Variants in MAP6 observed in about 807,000 individuals in gnomAD.
MAP6 encodes the protein microtubule associated protein 6, also known as microtubule-associated protein 6.
In MAP6, 26 loss-of-function variants were observed where a neutral mutation model predicts 42.4. The observed-to-expected ratio is 0.61, with a 90% CI of 0.45 to 0.85. The LOEUF is 0.85. Among genes scored for constraint, MAP6 ranks in the 40% least tolerant of loss-of-function variants. MAP6 has a pLI of 0.00. For missense variants in MAP6, 966 were observed against 1,099.0 expected (o/e 0.88, Z 1.71); for synonymous variants, 418 against 443.8 (o/e 0.94, Z 0.73).
At chr11:75,662,519 A>G (rs1943870249) in intron 1 of MAP6, among the ~76,000 whole-genome samples, 1 of 152,230 alleles carries the variant, frequency 6.6e-6, no homozygotes, top group South Asian at 2.1e-4. Flanking sequence ...TAAAGCTTGC[A>G]TTCATCTGCA....
chr11:75,594,131 T>G (rs987193492), intron 3 of MAP6: 2 of 152,338 alleles, frequency 1.3e-5, no homozygotes, highest in East Asian at 3.9e-4. Context: ...GGACAAGTGA[T>G]TCTCCAGGTC....
intron 1 of MAP6, among the ~76,000 whole-genome samples, chr11:75,660,941 A>G (rs1943833060): frequency 6.6e-6 from 1 of 152,138 alleles, no homozygotes; most frequent in South Asian, 2.1e-4. Flanking sequence ...AGACTAAAAA[A>G]CAAAACAAAT....
chr11:75,619,127 ATGTGTGAG>A (rs1474594916), intron 1 of MAP6, among the ~76,000 whole-genome samples: 2 of 152,054 alleles, frequency 1.3e-5, no homozygotes, highest in Admixed American at 6.6e-5. Context: ...TGCAAGGAGT[ATGTGTGAG>A]TGTGTGAGTG....
intron 3 of MAP6, among the ~76,000 whole-genome samples, chr11:75,592,763 G>C (rs1275556344): frequency 6.6e-6 from 1 of 152,080 alleles, no homozygotes; most frequent in Non-Finnish European, 1.5e-5. Flanking sequence ...CCTTCTCCTT[G>C]TACCAAGAAC....
At chr11:75,658,404 C>CCT (rs71036064) in intron 1 of MAP6, among the ~76,000 whole-genome samples, 420 of 151,712 alleles carry the variant, frequency 2.8e-3, no homozygotes, top group Non-Finnish European at 3.8e-3. Flanking sequence ...CCACCCCCCC[C>CCT]GCCCCAGACA....
intron 1 of MAP6, among the ~76,000 whole-genome samples, chr11:75,631,122 G>A (rs1943277888): frequency 6.6e-6 from 1 of 152,190 alleles, no homozygotes; most frequent in South Asian, 2.1e-4. Flanking sequence ...AATGTGACTG[G>A]TTTAAGAAGC....
intron 1 of MAP6, among the ~76,000 whole-genome samples, chr11:75,614,679 C>T (rs1008977497): frequency 1.3e-5 from 2 of 152,208 alleles, no homozygotes; most frequent in African/African-American, 4.8e-5. Flanking sequence ...CCAGCTAAGC[C>T]ATTCCTGGAT....
At chr11:75,646,187 A>C (rs1399718130) in intron 1 of MAP6, among the ~76,000 whole-genome samples, 4 of 152,180 alleles carry the variant, frequency 2.6e-5, no homozygotes, top group African/African-American at 7.2e-5. Flanking sequence ...CAGTGATAGC[A>C]GACTTCTCAC....
intron 3 of MAP6, among the ~76,000 whole-genome samples, chr11:75,590,472 G>C (rs1489352883): frequency 6.6e-6 from 1 of 152,164 alleles, no homozygotes; most frequent in Non-Finnish European, 1.5e-5. Flanking sequence ...GATATCTACA[G>C]CATTGGCTCC....
intron 1 of MAP6, among the ~76,000 whole-genome samples, chr11:75,622,784 T>C (rs1388179291): frequency 6.6e-6 from 1 of 152,196 alleles, no homozygotes; most frequent in African/African-American, 2.4e-5. Flanking sequence ...GATAGACATA[T>C]AGATCTATGA....
chr11:75,590,165 C>T (rs919154135), intron 3 of MAP6, among the ~76,000 whole-genome samples: 21 of 152,178 alleles, frequency 1.4e-4, no homozygotes, highest in Admixed American at 2.6e-4. Flanking sequence ...AAAATACCTC[C>T]AGTCACTGGT....
At chr11:75,611,650 G>T (rs1168071379) in intron 1 of MAP6, among the ~76,000 whole-genome samples, 1 of 152,142 alleles carries the variant, frequency 6.6e-6, no homozygotes, top group Non-Finnish European at 1.5e-5. Context: ...AAAAGAAAAA[G>T]AACTTTCTTT....
At chr11:75,642,932 T>C (rs2135662240) in intron 1 of MAP6, 1 of 459,760 alleles carries the variant, frequency 2.2e-6, no homozygotes, top group Admixed American at 2.1e-5. Flanking sequence ...ATAAATGTTC[T>C]GGTTAAAAAA....
chr11:75,591,852 T>G (rs926607674), intron 3 of MAP6, among the ~76,000 whole-genome samples: 1 of 152,190 alleles, frequency 6.6e-6, no homozygotes, highest in Non-Finnish European at 1.5e-5. Flanking sequence ...GATAACGATA[T>G]AAATGTCAGG....
chr11:75,622,984 A>C (rs1943134534), intron 1 of MAP6, among the ~76,000 whole-genome samples: 1 of 152,216 alleles, frequency 6.6e-6, no homozygotes, highest in Non-Finnish European at 1.5e-5. Flanking sequence ...AAATAGGACA[A>C]ATAAGGCCCT....
At chr11:75,636,936 G>A (rs1188977590) in intron 1 of MAP6, among the ~76,000 whole-genome samples, 1 of 152,136 alleles carries the variant, frequency 6.6e-6, no homozygotes, top group African/African-American at 2.4e-5. Context: ...CTCTTTCAAT[G>A]GCAGTTGTCT....
chr11:75,595,069 G>C (rs939756365), intron 3 of MAP6, among the ~76,000 whole-genome samples: 2 of 152,228 alleles, frequency 1.3e-5, no homozygotes, highest in African/African-American at 4.8e-5. Flanking sequence ...GGGCTGGAAG[G>C]ATAGACTGCT....
chr11:75,641,928 A>T (rs575391958), intron 1 of MAP6, among the ~76,000 whole-genome samples: 9 of 152,378 alleles, frequency 5.9e-5, no homozygotes, highest in African/African-American at 2.2e-4. Context: ...TCCTGAAGCC[A>T]GTTCACAATG....
At position 75,668,432 on chromosome 11, in the gene MAP6, C is replaced by T. The variant is rs1944004507; in HGVS notation, c.-63G>A. The T allele has an allele frequency of 2.0e-6, 3 of 1,506,598 alleles. No individual in the cohort carries two copies. The allele number at this position is 1,506,598 out of a possible 1,614,324, so 93.3% of individuals were successfully genotyped here. A position where few individuals can be genotyped will look rare whatever the true frequency, so the allele number is the denominator to read the frequency against. On this transcript the variant is annotated 5_prime_UTR_variant, in exon 1 of 4. Transcript: ENST00000304771. ...TGGTTCTAAAGCAAGTCTCTATAAT[C>T]TTCCTTCAGCCTCCGATCCTGACCG...
Sources: gnomAD v4.1 joint callset for allele counts (sites outside exome capture counted in the v4.1 genomes callset) on GRCh38, gnomAD v4.1.1 for gene constraint, MANE v1.5 for transcripts, NCBI Gene and HGNC (gene_info 2026-07-23, HGNC 2026-07-21) for gene names.